Variants in COL11A2 observed in about 807,000 individuals in gnomAD.
The protein encoded by COL11A2 is collagen type XI alpha 2 chain.
COL11A2 carries 116 observed loss-of-function variants against 273.4 expected under a neutral mutation model. The ratio of observed to expected loss-of-function variants is 0.42; its 90% confidence interval spans 0.36 to 0.49. The LOEUF is 0.49. Among genes scored for constraint, COL11A2 ranks in the 20% least tolerant of loss-of-function variants. COL11A2 has a pLI of 0.00. For missense variants in COL11A2, 1,866 were observed against 2,309.0 expected (o/e 0.81, Z 3.93); for synonymous variants, 782 against 864.2 (o/e 0.90, Z 1.67).
At position 33,173,692 on chromosome 6, in the gene COL11A2, C is replaced by A; in HGVS notation, c.2628+9G>T. 1 of 1,559,478 alleles carries A rather than the reference C, an allele frequency of 6.4e-7. No individual in the cohort carries two copies. Among genetic ancestry groups the A allele is most frequent in the Non-Finnish European group, 8.7e-7 (1 of 1,151,924 alleles). ...CCTCAGGGGAAGGGGACTTTCGATC[C>A]ACACTCACCCTCTCTCCAGGGGGCC... On this transcript the variant is annotated intron_variant, in intron 35 of 65. Transcript: ENST00000341947. The surrounding 1 kb of genome is among the most constrained non-coding windows in gnomAD (Gnocchi z 6.3).
At position 33,192,217 on chromosome 6, in the gene COL11A2, A is replaced by AT; in HGVS notation, c.23dup (p.His8GlnfsTer38). On this transcript the variant is annotated frameshift_variant, in exon 1 of 66. Coordinates refer to ENST00000341947, the MANE Select transcript of COL11A2 (RefSeq NM_080680.3). LOFTEE classifies it high-confidence loss of function. ...CCAGAGGTAGGAGGAGGAGGAGGCG[A>AT]TGGCAGCGGCTGCACCGCTCCATGG... 1 of 1,564,670 alleles carries AT rather than the reference A, an allele frequency of 6.4e-7. No individual in the cohort carries two copies. The highest frequency in any genetic ancestry group is 8.7e-7 in the Non-Finnish European group (1 of 1,154,662).
chr6:33,171,216 G>A (rs757555455), intron 44 of COL11A2, 49 bp from the exon 45 acceptor site: 12 of 1,613,852 alleles, frequency 7.4e-6, no homozygotes, highest in Middle Eastern at 1.6e-4. Flanking sequence ...AGAGAGATCA[G>A]GTGGGACTGA....
At position 33,169,443 on chromosome 6, in the gene COL11A2, T is replaced by G; in HGVS notation, c.3738A>C (p.Gly1246=). Residue 1246 remains glycine (G), a synonymous_variant, in exon 51 of 66, where the codon GGA becomes GGC. Transcript: ENST00000341947. This position sits in a 1 kb window ranked among gnomAD's most constrained non-coding sequence, Gnocchi z 5.5. ...CTTTAGGCCCTGGTGGCCCTGGCTC[T>G]CCTGGCTGCCCCGACTCTCCTTTCT... ...RGEKGESGQP[G]EPGPPGPKGP... is the part of the protein sequence containing the mutation. The G allele has an allele frequency of 6.2e-7, 1 of 1,613,014 alleles. No homozygotes were observed. Among genetic ancestry groups the G allele is most frequent in the South Asian group, 1.1e-5 (1 of 91,090 alleles).
Position 33,177,838 on chromosome 6 carries a change from G to T in COL11A2, c.1873-132C>A, listed in dbSNP as rs753700182. ...TCCCAAACCCAAGCAAACACAGCTG[G>T]CCCAGGCCTGCAGTGTGTGGGACTG... On this transcript the variant is annotated intron_variant, in intron 21 of 65. Transcript: ENST00000341947. This position sits in a 1 kb window ranked among gnomAD's most constrained non-coding sequence, Gnocchi z 5.9. 3.3e-5 allele frequency: 33 copies of T among 1,004,252 alleles called. No individual in the cohort carries two copies. The highest frequency in any genetic ancestry group is 4.6e-5 in the Non-Finnish European group (30 of 646,504). 62.2% of individuals were successfully genotyped at this position (1,004,252 alleles called of 1,614,324 possible). A position where few individuals can be genotyped will look rare whatever the true frequency, so the allele number is the denominator to read the frequency against.
Position 33,177,216 on chromosome 6 carries a change from C to G in COL11A2, c.1981G>C (p.Gly661Arg), listed in dbSNP as rs121912945. The G allele has an allele frequency of 6.2e-7, 1 of 1,613,060 alleles. No individual in the cohort carries two copies. The highest frequency in any genetic ancestry group is 1.3e-5 in the African/African-American group (1 of 75,042). ...TGAGGGCCGATGGCACCCTGGGGCC[C>G]GGGAAGACCCTACATACAGGGAAAG... ...QGTPGTQGLP[G>R]PQGAIGPHGE... Residue 661 changes from glycine (G) to arginine (R), a missense_variant, in exon 24 of 66, where the codon GGG (glycine) becomes CGG (arginine). Transcript: ENST00000341947. The surrounding 1 kb of genome is among the most constrained non-coding windows in gnomAD (Gnocchi z 5.9).
rs748527563 is a variant in COL11A2, at chr6:33,167,510, G to A, written c.4038C>T (p.Ala1346=). 1 of 1,612,798 alleles carries A rather than the reference G, an allele frequency of 6.2e-7. No individual in the cohort carries two copies. Among genetic ancestry groups the A allele is most frequent in the Non-Finnish European group, 8.5e-7 (1 of 1,180,016 alleles). The change falls in exon 56 of 66, where the codon GCC becomes GCT. Residue 1346 remains alanine (A), a synonymous_variant. Coordinates refer to ENST00000341947, the MANE Select transcript of COL11A2 (RefSeq NM_080680.3). The surrounding 1 kb of genome is among the most constrained non-coding windows in gnomAD (Gnocchi z 6.1). Reference sequence around the variant, plus strand: ...GACCCACCGGGCCTGTCTTCCCCGGGGCACCTATAGCGCCAGGATCTCCCT... The same window carrying A: ...GACCCACCGGGCCTGTCTTCCCCGGAGCACCTATAGCGCCAGGATCTCCCT... ...GAKGDPGAIG[A]PGKTGPVGPA...
Position 33,179,191 on chromosome 6 carries a change from G to A in COL11A2, c.1557+40C>T. On this transcript the variant is annotated intron_variant, in intron 15 of 65. Coordinates refer to ENST00000341947, the MANE Select transcript of COL11A2 (RefSeq NM_080680.3). The surrounding 1 kb of genome is among the most constrained non-coding windows in gnomAD (Gnocchi z 6.4). ...GGAGGGGAGTGAGGGAGACTGAGCTGGTGAACAGATATGGGGGTGCAGTGG... is the reference window on the plus strand; with the variant it reads ...GGAGGGGAGTGAGGGAGACTGAGCTAGTGAACAGATATGGGGGTGCAGTGG... 6.2e-7 allele frequency: 1 copy of A among 1,611,660 alleles called. No homozygotes were observed. The highest frequency in any genetic ancestry group is 8.5e-7 in the Non-Finnish European group (1 of 1,179,116).
At chr6:33,193,334 G>GT (rs1432161833), upstream of COL11A2, among the ~76,000 whole-genome samples, 2 of 151,884 alleles carry the variant, frequency 1.3e-5, no homozygotes, top group Non-Finnish European at 2.9e-5. Context: ...CTGGCGCGGA[G>GT]AGGGCACGAG....
rs1391884496 is a variant in COL11A2 at position 33,174,312 on chromosome 6, GGC to G, written c.2431-96_2431-95del. 2.7e-6 allele frequency: 4 copies of G among 1,504,328 alleles called. No individual in the cohort carries two copies. In the African/African-American group the frequency reaches 4.2e-5, roughly 16 times the overall value. 93.2% of individuals were successfully genotyped at this position (1,504,328 alleles called of 1,614,324 possible). On this transcript the variant is annotated intron_variant, in intron 31 of 65. Transcript: ENST00000341947. ...GGTCAGGAGAGGCCACAAAGGCAGT[GGC>G]CAGGGAGACCCGAGCTCTGCCAAGA...
chr6:33,178,662 C>T lies in COL11A2; in HGVS notation c.1719+17G>A, dbSNP rs1388390715. The T allele has an allele frequency of 1.2e-6, 2 of 1,612,626 alleles. No homozygotes were observed. The highest frequency in any genetic ancestry group is 1.7e-6 in the Non-Finnish European group (2 of 1,179,850). On this transcript the variant is annotated intron_variant, in intron 18 of 65. Transcript: ENST00000341947. The surrounding 1 kb of genome is among the most constrained non-coding windows in gnomAD (Gnocchi z 4.6). Reference sequence around the variant, plus strand: ...GATCTATCCCCAATTACAACACACACCCACTAATGTACTCACCCTATGGCC... The same window carrying T: ...GATCTATCCCCAATTACAACACACATCCACTAATGTACTCACCCTATGGCC...
chr6:33,174,011 C>A lies in COL11A2; in HGVS notation c.2529G>T (p.Thr843=). The change falls in exon 33 of 66, where the codon ACG becomes ACT. Residue 843 remains threonine (T), a splice_region_variant and synonymous_variant. Coordinates refer to ENST00000341947, the MANE Select transcript of COL11A2 (RefSeq NM_080680.3). ...KSGPRGERGP[T]GPRGQRGPRG... ...ACCTGTTTCTCTCCCCTGCACTCACCGTGGGGCCCCGTTCTCCCCGAGGCC... is the reference window on the plus strand; with the variant it reads ...ACCTGTTTCTCTCCCCTGCACTCACAGTGGGGCCCCGTTCTCCCCGAGGCC... 1 of 1,613,992 alleles carries A rather than the reference C, an allele frequency of 6.2e-7. No homozygotes were observed. The highest frequency in any genetic ancestry group is 1.3e-5 in the African/African-American group (1 of 74,980).
intron 42 of COL11A2, 35 bp from the exon 43 acceptor site, chr6:33,171,609 G>A: frequency 6.2e-7 from 1 of 1,607,358 alleles, no homozygotes; most frequent in Non-Finnish European, 8.5e-7. Flanking sequence ...TGGCCTGGAG[G>A]TGACCCTCAC....
Position 33,164,213 on chromosome 6 carries a change from T to A in COL11A2, c.5070+54A>T. On this transcript the variant is annotated intron_variant, in intron 65 of 65. Transcript: ENST00000341947. This position sits in a 1 kb window ranked among gnomAD's most constrained non-coding sequence, Gnocchi z 4.7. ...CTGCCCAAGGGGTCTTCCCACCTCC[T>A]TCCTCCAGCCTGAGTCTGAGATCAG... The A allele has an allele frequency of 6.2e-7, 1 of 1,600,462 alleles. No individual in the cohort carries two copies.
In COL11A2 at chr6:33,165,179, C is replaced by A. The variant is rs1768934794; in HGVS notation, c.4751-215G>T. Among the ~76,000 whole-genome samples, 1 of 152,162 alleles carries A rather than the reference C, an allele frequency of 6.6e-6. No individual in the cohort carries two copies. Among genetic ancestry groups the A allele is most frequent in the African/African-American group, 2.4e-5 (1 of 41,428 alleles). The stretch of plus-strand genomic sequence containing the variant: ...CCACTTTCATCACGTGACACCTCTG[C>A]CCCCAACAGTAACCCCAGGCCCTCT... On this transcript the variant is annotated intron_variant, in intron 63 of 65. Transcript: ENST00000341947. The surrounding 1 kb of genome is among the most constrained non-coding windows in gnomAD (Gnocchi z 7.7).
Position 33,169,280 on chromosome 6 carries a change from CG to C in COL11A2, c.3798+102del. On this transcript the variant is annotated intron_variant, in intron 51 of 65. Coordinates refer to ENST00000341947, the MANE Select transcript of COL11A2 (RefSeq NM_080680.3). This position sits in a 1 kb window ranked among gnomAD's most constrained non-coding sequence, Gnocchi z 5.5. ...ATTCCCAGAGCATCCCCCAAACTCCCGGGCTCCCCACACTCCAAGATCCTCC... is the reference window on the plus strand; with the variant it reads ...ATTCCCAGAGCATCCCCCAAACTCCCGGCTCCCCACACTCCAAGATCCTCC... 1.8e-6 allele frequency: 2 copies of C among 1,119,466 alleles called. No homozygotes were observed. The highest frequency in any genetic ancestry group is 2.6e-6 in the Non-Finnish European group (2 of 762,394). 69.3% of individuals were successfully genotyped at this position (1,119,466 alleles called of 1,614,324 possible).
At position 33,169,602 on chromosome 6, in the gene COL11A2, G is replaced by A; in HGVS notation, c.3691-112C>T. The A allele has an allele frequency of 8.7e-7, 1 of 1,152,806 alleles. No homozygotes were observed. The allele number at this position is 1,152,806 out of a possible 1,614,324, so 71.4% of individuals were successfully genotyped here. ...CCCCTACTCCCCTCAGTGACAATGG[G>A]ACATACACAGAAAGTCAAGCCTACA... On this transcript the variant is annotated intron_variant, in intron 50 of 65. Coordinates refer to ENST00000341947, the MANE Select transcript of COL11A2 (RefSeq NM_080680.3). This position sits in a 1 kb window ranked among gnomAD's most constrained non-coding sequence, Gnocchi z 5.5.
In COL11A2 at chr6:33,179,072, C is replaced by T. The variant is rs1168823317; in HGVS notation, c.1611+1G>A. On this transcript the variant is annotated splice_donor_variant, in intron 16 of 65. Coordinates refer to ENST00000341947, the MANE Select transcript of COL11A2 (RefSeq NM_080680.3). LOFTEE classifies it high-confidence loss of function. The surrounding 1 kb of genome is among the most constrained non-coding windows in gnomAD (Gnocchi z 6.4). ...CACCCATCCACCCCTGGGGCACTCA[C>T]CCTTCGCCCAGCCTTGCCAGGAGGG... 6.2e-7 allele frequency: 1 copy of T among 1,613,844 alleles called. No individual in the cohort carries two copies. The highest frequency in any genetic ancestry group is 1.3e-5 in the African/African-American group (1 of 74,918).
In COL11A2 at chr6:33,188,355, T is replaced by A. The variant is rs1468149062; in HGVS notation, c.606+7A>T. 5.6e-6 allele frequency: 9 copies of A among 1,612,958 alleles called. No individual in the cohort carries two copies. The highest frequency in any genetic ancestry group is 6.8e-6 in the Non-Finnish European group (8 of 1,180,036). ...AAGTCAATCCTGCCTCTGATTGCTC[T>A]GGTTACCTCAAAGACTTCTTCATCC... On this transcript the variant is annotated splice_region_variant and intron_variant, in intron 4 of 65. Coordinates refer to ENST00000341947, the MANE Select transcript of COL11A2 (RefSeq NM_080680.3).
In COL11A2 at chr6:33,178,821, T is replaced by A. The variant is rs1440911500; in HGVS notation, c.1666-89A>T. ...GCACCCTGAGCTGGGGGGGTGCTGA[T>A]CCTGGGGAAGCCTGGAGAACTAGGT... On this transcript the variant is annotated intron_variant, in intron 17 of 65. Transcript: ENST00000341947. This position sits in a 1 kb window ranked among gnomAD's most constrained non-coding sequence, Gnocchi z 4.6. 6.2e-7 allele frequency: 1 copy of A among 1,607,572 alleles called. No individual in the cohort carries two copies. The highest frequency in any genetic ancestry group is 1.3e-5 in the African/African-American group (1 of 74,754).
Sources: allele counts gnomAD v4.1 joint callset (sites outside exome capture counted in the v4.1 genomes callset), GRCh38; gene constraint gnomAD v4.1.1; non-coding constraint Gnocchi (gnomAD v3.1); transcripts MANE v1.5; gene names NCBI Gene and HGNC (gene_info 2026-07-23, HGNC 2026-07-21).